The following SLC2A11 variants were observed in gnomAD, a reference collection of about 807,000 sequenced individuals.
SLC2A11 encodes the protein solute carrier family 2, facilitated glucose transporter member 11.
Under a neutral mutation model 52.1 loss-of-function variants are expected in SLC2A11, and 43 were observed. The ratio of observed to expected loss-of-function variants is 0.82; its 90% CI spans 0.65 to 1.06. The LOEUF (loss-of-function observed/expected upper bound fraction) is 1.06, where lower values mean the gene tolerates loss of function less well. SLC2A11 is among the 50% of genes least tolerant of loss of function. The pLI, the probability that SLC2A11 is intolerant of heterozygous loss-of-function variation, is 0.00. For missense variants in SLC2A11, 582 were observed against 654.2 expected (o/e 0.89, Z 1.20); for synonymous variants, 261 against 277.6 (o/e 0.94, Z 0.59).
intron 6 of SLC2A11, chr22:23,879,412 C>G (rs527665833): frequency 6.6e-6 from 1 of 151,306 alleles, no homozygotes; most frequent in African/African-American, 2.4e-5. Flanking sequence ...CGTGCCACCA[C>G]GCTTGGCTAA....
rs759488964 is a variant in SLC2A11, at chr22:23,883,821, A to G, written c.1043A>G (p.Tyr348Cys). Reference sequence around the variant, plus strand: ...CGGCGCGTGCTGCTCATCGGTGGGTACAGCCTGATGACCTGCTGGGGGAGC... The same window carrying G: ...CGGCGCGTGCTGCTCATCGGTGGGTGCAGCCTGATGACCTGCTGGGGGAGC... ...VGRRVLLIGG[Y>C]SLMTCWGSIF... is the part of the protein sequence containing the mutation. The change falls in exon 9 of 12, where the codon TAC (tyrosine) becomes TGC (cysteine). Residue 348 changes from tyrosine to cysteine, a missense_variant. Tyr to Cys is a radical substitution (Grantham distance 194). Coordinates refer to ENST00000316185, the MANE Select transcript of SLC2A11 (RefSeq NM_001024939.4). The G allele has an allele frequency of 4.0e-5, 63 of 1,583,584 alleles. No individual in the cohort carries two copies. Among genetic ancestry groups the G allele is most frequent in the Middle Eastern group, 1.8e-4 (1 of 5,646 alleles).
At chr22:23,858,967 T>TA (rs2031957711) in intron 1 of SLC2A11, among the ~76,000 whole-genome samples, 2 of 152,206 alleles carry the variant, frequency 1.3e-5, no homozygotes, top group South Asian at 4.1e-4. Flanking sequence ...GTTTGCTGAA[T>TA]TAATGGTCCC....
chr22:23,857,551 G>A (rs751885068), upstream of SLC2A11: 27 of 1,591,962 alleles, frequency 1.7e-5, no homozygotes, highest in African/African-American at 2.6e-4. Context: ...CAGCGGCGGC[G>A]ACAAACCCCG....
chr22:23,860,880 C>G (rs1264900473), intron 1 of SLC2A11, among the ~76,000 whole-genome samples: 1 of 146,984 alleles, frequency 6.8e-6, no homozygotes, highest in Non-Finnish European at 1.5e-5. Flanking sequence ...GAGTCTCGCT[C>G]TGTCGCCCAG....
intron 3 of SLC2A11, chr22:23,870,486 C>A (rs1448686137): frequency 6.1e-6 from 1 of 163,846 alleles, no homozygotes; most frequent in African/African-American, 2.4e-5. Flanking sequence ...TCTGTCCTTG[C>A]TACCCTATTT....
intron 1 of SLC2A11, among the ~76,000 whole-genome samples, chr22:23,859,178 C>T (rs994684848): frequency 3.3e-5 from 5 of 152,232 alleles, no homozygotes; most frequent in African/African-American, 7.2e-5. Context: ...CACTTCCATG[C>T]GGCCCCCGTG....
At chr22:23,873,548 TC>T (rs2032526588) in intron 3 of SLC2A11, among the ~76,000 whole-genome samples, 1 of 151,944 alleles carries the variant, frequency 6.6e-6, no homozygotes, top group African/African-American at 2.4e-5. Flanking sequence ...GACCTCGTGA[TC>T]CCCCCACCTC....
At chr22:23,875,052 C>A in intron 3 of SLC2A11, 65 bp from the exon 4 acceptor site, 1 of 1,450,238 alleles carries the variant, frequency 6.9e-7, no homozygotes, top group African/African-American at 1.4e-5. Flanking sequence ...AAAGAGTGGT[C>A]CCCAGGGATG....
In SLC2A11 at chr22:23,873,332, C is replaced by CTGTGTGTGTGT. The variant is rs1568990971; in HGVS notation, c.291-1785_291-1784insTGTGTGTGTGT. 2.2e-3 allele frequency: 318 copies of CTGTGTGTGTGT among 143,816 alleles called. 2 individuals are homozygous for CTGTGTGTGTGT. The highest frequency in any genetic ancestry group is 8.3e-3 in the African/African-American group (288 of 34,612). The allele number at this position is 143,816 out of a possible 1,614,324, so 8.9% of individuals were successfully genotyped here. A position where few individuals can be genotyped will look rare whatever the true frequency, so the allele number is the denominator to read the frequency against. On this transcript the variant is annotated intron_variant, in intron 3 of 11. Coordinates refer to ENST00000316185, the MANE Select transcript of SLC2A11 (RefSeq NM_001024939.4). ...GTGTGTGTGTGTGTGTGTGTGTGCA[C>CTGTGTGTGTGT]GCGTGTGTGTAGCATGGTGGGGGGA...
chr22:23,857,772 C>T (rs1266170840), upstream of SLC2A11: 1 of 1,412,880 alleles, frequency 7.1e-7, no homozygotes, highest in Non-Finnish European at 9.3e-7. Context: ...GTTGCGCGAA[C>T]CCTCAGCTGG....
intron 2 of SLC2A11, among the ~76,000 whole-genome samples, chr22:23,863,697 A>G (rs1268418238): frequency 7.1e-6 from 1 of 141,632 alleles, no homozygotes; most frequent in Non-Finnish European, 1.5e-5. Context: ...GTTCACTGCA[A>G]CCTCCGCCCC....
chr22:23,857,122 G>T (rs969670140), upstream of SLC2A11: 3 of 1,260,230 alleles, frequency 2.4e-6, no homozygotes, highest in South Asian at 3.9e-5. Flanking sequence ...CACAACCAAG[G>T]GCTTGGCCCT....
At chr22:23,857,739 C>G, upstream of SLC2A11, 2 of 1,305,252 alleles carry the variant, frequency 1.5e-6, no homozygotes, top group Non-Finnish European at 2.0e-6. Context: ...AGTCTCAGGC[C>G]TTAGTCCCGG....
intron 2 of SLC2A11, chr22:23,868,207 G>C: frequency 1.2e-5 from 6 of 505,976 alleles, no homozygotes; most frequent in Non-Finnish European, 1.8e-5. Context: ...TGTGTGAGTA[G>C]AGAGAAATAG....
chr22:23,867,897 A>C, intron 2 of SLC2A11: 1 of 360,024 alleles, frequency 2.8e-6, no homozygotes, highest in Non-Finnish European at 5.8e-6. Flanking sequence ...CAAACCAGTA[A>C]ATGTAAGTAA....
chr22:23,874,072 A>G (rs755346781), intron 3 of SLC2A11, among the ~76,000 whole-genome samples: 1 of 152,164 alleles, frequency 6.6e-6, no homozygotes, highest in Non-Finnish European at 1.5e-5. Flanking sequence ...GGAGCAGGTG[A>G]CATTTCCAAT....
chr22:23,859,834 C>T (rs1366691630), intron 1 of SLC2A11, among the ~76,000 whole-genome samples: 1 of 152,240 alleles, frequency 6.6e-6, no homozygotes, highest in Non-Finnish European at 1.5e-5. Context: ...TCCGTAGGTT[C>T]TGGAAACTTC....
At chr22:23,876,669 G>A (rs918196351) in intron 4 of SLC2A11, among the ~76,000 whole-genome samples, 4 of 152,052 alleles carry the variant, frequency 2.6e-5, no homozygotes, top group Non-Finnish European at 5.9e-5. Flanking sequence ...CAGCTGGTAG[G>A]CATCCAGGAT....
Position 23,885,219 on chromosome 22 carries a change from G to A in SLC2A11, c.*370G>A. 1 of 398,114 alleles carries A rather than the reference G, an allele frequency of 2.5e-6. No homozygotes were observed. Among genetic ancestry groups the A allele is most frequent in the South Asian group, 6.1e-5 (1 of 16,516 alleles). The allele number at this position is 398,114 out of a possible 1,614,324, so 24.7% of individuals were successfully genotyped here. A position where few individuals can be genotyped will look rare whatever the true frequency, so the allele number is the denominator to read the frequency against. ...AAATTTTAAACATTAGCTGGGCATG[G>A]TGGTATGTGCTAACAGCTCTAGCTA... On this transcript the variant is annotated 3_prime_UTR_variant, in exon 12 of 12. Coordinates refer to ENST00000316185, the MANE Select transcript of SLC2A11 (RefSeq NM_001024939.4).
Sources: gnomAD v4.1 joint callset for allele counts (sites outside exome capture counted in the v4.1 genomes callset) on GRCh38, gnomAD v4.1.1 for gene constraint, MANE v1.5 for transcripts, NCBI Gene and HGNC (gene_info 2026-07-23, HGNC 2026-07-21) for gene names.